BCAS4: variants seen among roughly 807,000 people sequenced by gnomAD.
The protein encoded by BCAS4 is breast carcinoma-amplified sequence 4.
BCAS4 carries 9 observed loss-of-function variants against 15.7 expected under a neutral mutation model. That is an observed-to-expected ratio of 0.57 (90% confidence interval 0.34 to 1.00). BCAS4 has a LOEUF of 1.00. Among genes scored for constraint, BCAS4 ranks in the 50% least tolerant of loss-of-function variants. The probability of loss-of-function intolerance (pLI) is 0.02; values close to 1 mark genes in which losing one functional copy is unlikely to be tolerated. For missense variants in BCAS4, 225 were observed against 239.1 expected (o/e 0.94, Z 0.39); for synonymous variants, 101 against 99.5 (o/e 1.02, Z -0.09).
chr20:50,872,857 C>T (rs565439815), intron 4 of BCAS4, among the ~76,000 whole-genome samples: 86 of 152,362 alleles, frequency 5.6e-4, no homozygotes, highest in African/African-American at 2.0e-3. Flanking sequence ...GCACCAGCCT[C>T]TGCAGCCTTC....
chr20:50,819,871 G>C (rs1382088178), intron 2 of BCAS4, among the ~76,000 whole-genome samples: 1 of 151,472 alleles, frequency 6.6e-6, no homozygotes, highest in African/African-American at 2.4e-5. Context: ...TTCCTTTCGA[G>C]ATAGAGTCTC....
At chr20:50,881,236 T>C (rs1163323506), downstream of BCAS4, 1 of 151,878 alleles carries the variant, frequency 6.6e-6, no homozygotes, top group Admixed American at 6.6e-5. Context: ...TCTTAGAAAG[T>C]AAAATAAAAC....
intron 4 of BCAS4, among the ~76,000 whole-genome samples, chr20:50,848,657 C>G (rs959945442): frequency 1.3e-5 from 2 of 152,234 alleles, no homozygotes; most frequent in African/African-American, 2.4e-5. Flanking sequence ...GTTCTCTGCT[C>G]TGAGCTCAGG....
chr20:50,862,118 C>CCTCT (rs746051687), intron 4 of BCAS4, among the ~76,000 whole-genome samples: 1 of 151,532 alleles, frequency 6.6e-6, no homozygotes, highest in Non-Finnish European at 1.5e-5. Flanking sequence ...CCCGCCTTGG[C>CCTCT]CTCTCTCTCT....
chr20:50,826,121 T>C, intron 2 of BCAS4, among the ~76,000 whole-genome samples: 1 of 152,244 alleles, frequency 6.6e-6, no homozygotes, highest in East Asian at 1.9e-4. Flanking sequence ...CCCGGTGCTC[T>C]GACCTTGCCC....
chr20:50,817,109 T>G (rs2088149477), intron 1 of BCAS4, among the ~76,000 whole-genome samples: 2 of 151,914 alleles, frequency 1.3e-5, no homozygotes, highest in African/African-American at 4.8e-5. Context: ...GCTAATTTTT[T>G]TTTTTTTTTA....
chr20:50,876,927 C>A lies in BCAS4; in HGVS notation c.*319C>A, dbSNP rs931027225. The A allele has an allele frequency of 1.5e-5, 3 of 197,606 alleles. No homozygotes were observed. Among genetic ancestry groups the A allele is most frequent in the African/African-American group, 4.7e-5 (2 of 42,510 alleles). The allele number at this position is 197,606 out of a possible 1,614,324, so 12.2% of individuals were successfully genotyped here. ...AGTTGGAACCCACGTGTGGTGATGC[C>A]TCCCACATCGGCCTGCTTGGGGTTC... On this transcript the variant is annotated 3_prime_UTR_variant, in exon 5 of 5. Transcript: ENST00000371608.
rs537873751 is a variant in BCAS4, at chr20:50,837,207, G to C, written c.265-4559G>C. 2.0e-5 allele frequency among the ~76,000 whole-genome samples: 3 copies of C among 152,294 alleles called. No individual in the cohort carries two copies. In the South Asian group the frequency reaches 6.2e-4, roughly 32 times the overall value. Reference sequence around the variant, plus strand: ...ACAGGTGGGCAGTGGTAGAACTGGGGTTTCAAAGTTTATGTTCCCCCCTCC... The same window carrying C: ...ACAGGTGGGCAGTGGTAGAACTGGGCTTTCAAAGTTTATGTTCCCCCCTCC... On this transcript the variant is annotated intron_variant, in intron 3 of 4. Coordinates refer to ENST00000371608, the MANE Select transcript of BCAS4 (RefSeq NM_198799.4).
At chr20:50,802,259 A>T (rs2087936366) in intron 1 of BCAS4, among the ~76,000 whole-genome samples, 2 of 152,104 alleles carry the variant, frequency 1.3e-5, no homozygotes, top group South Asian at 4.1e-4. Flanking sequence ...TACTGGGGGG[A>T]CCGCAGTGGC....
intron 1 of BCAS4, among the ~76,000 whole-genome samples, chr20:50,808,554 C>G (rs1483839333): frequency 6.6e-6 from 1 of 152,162 alleles, no homozygotes; most frequent in Non-Finnish European, 1.5e-5. Flanking sequence ...GCCATTCTTG[C>G]AGGAGTAAGG....
chr20:50,869,294 T>A (rs1979512891), intron 4 of BCAS4, among the ~76,000 whole-genome samples: 1 of 152,106 alleles, frequency 6.6e-6, no homozygotes, highest in Admixed American at 6.5e-5. Flanking sequence ...GCACCTGAGC[T>A]CCTCCACTTG....
chr20:50,818,596 G>A (rs762777475), intron 2 of BCAS4, among the ~76,000 whole-genome samples: 2 of 152,212 alleles, frequency 1.3e-5, no homozygotes, highest in Non-Finnish European at 2.9e-5. Context: ...GCAGGGAGCC[G>A]TTCAGCGGGG....
At chr20:50,802,506 G>A (rs1426951766) in intron 1 of BCAS4, among the ~76,000 whole-genome samples, 1 of 152,224 alleles carries the variant, frequency 6.6e-6, no homozygotes. Context: ...TGCTTTAGGT[G>A]AGGGTCTGCC....
Position 50,795,132 on chromosome 20 carries a change from C to T in BCAS4, c.49C>T (p.Arg17Cys), listed in dbSNP as rs1171926007. Reference sequence around the variant, plus strand: ...GCCGGAGCCCATGCGCAGCGGGGCGCGCGAGCTCGCGCTCTTCCTGACCCC... The same window carrying T: ...GCCGGAGCCCATGCGCAGCGGGGCGTGCGAGCTCGCGCTCTTCCTGACCCC... ...DQPEPMRSGA[R>C]ELALFLTPEP... The change falls in exon 1 of 5, where the codon CGC (arginine) becomes TGC (cysteine). Residue 17 changes from arginine (R) to cysteine (C), a missense_variant. Arg to Cys is a radical substitution (Grantham distance 180). Transcript: ENST00000371608. 1.4e-6 allele frequency: 2 copies of T among 1,476,680 alleles called. No homozygotes were observed. The highest frequency in any genetic ancestry group is 2.8e-5 in the East Asian group (1 of 35,490). The allele number at this position is 1,476,680 out of a possible 1,614,324, so 91.5% of individuals were successfully genotyped here.
At chr20:50,808,415 G>A (rs917588793) in intron 1 of BCAS4, among the ~76,000 whole-genome samples, 5 of 152,292 alleles carry the variant, frequency 3.3e-5, no homozygotes, top group Non-Finnish European at 5.9e-5. Context: ...ACTGTTTTCC[G>A]TAGTGATTGT....
At chr20:50,840,816 C>A in intron 3 of BCAS4, 1 of 1,054,758 alleles carries the variant, frequency 9.5e-7, no homozygotes, top group East Asian at 2.4e-5. Context: ...TAGTGGCCAC[C>A]ACTGAGTTGT....
intron 4 of BCAS4, among the ~76,000 whole-genome samples, chr20:50,850,261 C>T (rs757890996): frequency 4.6e-5 from 7 of 152,206 alleles, no homozygotes; most frequent in Admixed American, 2.0e-4. Context: ...GAGGCAGATG[C>T]TATTATTCTA....
At chr20:50,841,079 C>T in intron 3 of BCAS4, 1 of 332,030 alleles carries the variant, frequency 3.0e-6, no homozygotes, top group Non-Finnish European at 5.8e-6. Flanking sequence ...ATCTACCCGC[C>T]TCAGCCTCCC....
intron 4 of BCAS4, among the ~76,000 whole-genome samples, chr20:50,875,657 T>G (rs1979896767): frequency 6.7e-6 from 1 of 149,088 alleles, no homozygotes; most frequent in Non-Finnish European, 1.5e-5. Context: ...GGTGCACGCC[T>G]ATAATCCCGG....
Sources: allele counts gnomAD v4.1 joint callset (sites outside exome capture counted in the v4.1 genomes callset), GRCh38; gene constraint gnomAD v4.1.1; transcripts MANE v1.5; gene names NCBI Gene and HGNC (gene_info 2026-07-23, HGNC 2026-07-21).